PCMTD1: variants seen among roughly 807,000 people sequenced by gnomAD.
PCMTD1 encodes the protein protein-L-isoaspartate (D-aspartate) O-methyltransferase domain containing 1.
A neutral mutation model predicts 37.6 loss-of-function variants in PCMTD1; 12 were observed. The ratio of observed to expected loss-of-function variants is 0.32; its 90% CI spans 0.20 to 0.52. The LOEUF (loss-of-function observed/expected upper bound fraction) is 0.52, where lower values mean the gene tolerates loss of function less well. PCMTD1 is among the 20% of genes least tolerant of loss of function. PCMTD1 has a pLI of 0.97. For synonymous variants in PCMTD1, 117 were observed against 135.8 expected (o/e 0.86, Z 0.96); for missense variants, 235 against 421.3 (o/e 0.56, Z 3.87).
chr8:51,890,348 G>A (rs953497116), intron 1 of PCMTD1, among the ~76,000 whole-genome samples: 2 of 152,112 alleles, frequency 1.3e-5, no homozygotes, highest in African/African-American at 4.8e-5. Context: ...ACTAAAATTA[G>A]AGTGACTGCC....
intron 1 of PCMTD1, among the ~76,000 whole-genome samples, chr8:51,897,850 A>C (rs532532919): frequency 2.6e-5 from 4 of 152,206 alleles, no homozygotes; most frequent in Non-Finnish European, 5.9e-5. Context: ...AAATGGAGGA[A>C]TATCCATGAT....
At chr8:51,880,743 G>A (rs1430394698) in intron 1 of PCMTD1, among the ~76,000 whole-genome samples, 1 of 152,106 alleles carries the variant, frequency 6.6e-6, no homozygotes, top group Non-Finnish European at 1.5e-5. Flanking sequence ...CTACCCCAAG[G>A]ATCAGCAAAC....
chr8:51,817,952 T>A lies in PCMTD1; in HGVS notation c.*2399A>T, dbSNP rs1307703746. On this transcript the variant is annotated 3_prime_UTR_variant, in exon 6 of 6. Transcript: ENST00000522514. ...CTGCAAAATAAACACCCAAATTAGA[T>A]GATACTTACTGTTTTAACTAGCTAT... The A allele has an allele frequency of 2.2e-6, 1 of 456,664 alleles. No individual in the cohort carries two copies. Among genetic ancestry groups the A allele is most frequent in the African/African-American group, 2.0e-5 (1 of 50,106 alleles). 28.3% of individuals were successfully genotyped at this position (456,664 alleles called of 1,614,324 possible).
At chr8:51,834,605 ATTAT>A (rs2038041895) in intron 3 of PCMTD1, among the ~76,000 whole-genome samples, 1 of 27,834 alleles carries the variant, frequency 3.6e-5, no homozygotes, top group African/African-American at 4.0e-5. Flanking sequence ...AAAGCACACT[ATTAT>A]TTGAGGATGA....
At chr8:51,887,845 G>T (rs1473750346) in intron 1 of PCMTD1, among the ~76,000 whole-genome samples, 1 of 150,934 alleles carries the variant, frequency 6.6e-6, no homozygotes, top group Non-Finnish European at 1.5e-5. Flanking sequence ...GGGTTCAAGC[G>T]ATTCTCCTGC....
Position 51,861,093 on chromosome 8 carries a change from T to G in PCMTD1, c.59A>C (p.Glu20Ala), listed in dbSNP as rs1309378383. ...TCTTTCAGTACGAATATACTGAGCT[T>G]CTTTTAAATTATCAATTAAGTCATC... ...DNDDLIDNLK[E>A]AQYIRTERVE... Residue 20 changes from glutamate (E) to alanine (A), a missense_variant, in exon 2 of 6, where the codon GAA becomes GCA. Glu to Ala is a moderately radical substitution (Grantham distance 107, BLOSUM62 -1). Around this residue, in one of 3 missense-constraint regions of PCMTD1, gnomAD observed 183 missense variants for 349.3 expected, o/e 0.52. Coordinates refer to ENST00000522514, the MANE Select transcript of PCMTD1 (RefSeq NM_052937.4). The G allele has an allele frequency of 1.2e-6, 2 of 1,614,112 alleles. No homozygotes were observed. Among genetic ancestry groups the G allele is most frequent in the Non-Finnish European group, 8.5e-7 (1 of 1,179,984 alleles).
chr8:51,842,237 A>T (rs935729254), intron 3 of PCMTD1, among the ~76,000 whole-genome samples: 1 of 152,180 alleles, frequency 6.6e-6, no homozygotes, highest in Non-Finnish European at 1.5e-5. Flanking sequence ...TAAGACTAAG[A>T]CATACAAAGT....
intron 3 of PCMTD1, chr8:51,845,330 T>C (rs779903150): frequency 1.5e-4 from 33 of 219,010 alleles, no homozygotes; most frequent in Admixed American, 3.1e-4. Context: ...TAAATTACTA[T>C]CCAAAAGGTA....
intron 1 of PCMTD1, among the ~76,000 whole-genome samples, chr8:51,867,932 T>C (rs2038581920): frequency 6.6e-6 from 1 of 152,140 alleles, no homozygotes; most frequent in African/African-American, 2.4e-5. Context: ...CACAATGCAC[T>C]GTGTTATCTG....
chr8:51,882,971 C>CAA (rs71252917), intron 1 of PCMTD1, among the ~76,000 whole-genome samples: 169 of 137,584 alleles, frequency 1.2e-3, no homozygotes, highest in East Asian at 2.7e-3. Flanking sequence ...ACTAAAAATA[C>CAA]AAAAAAAAAA....
Position 51,856,432 on chromosome 8 carries a change from C to T in PCMTD1, c.307+4413G>A, listed in dbSNP as rs550551773. Among the ~76,000 whole-genome samples the T allele has an allele frequency of 3.9e-5, 6 of 152,284 alleles. No homozygotes were observed. In the South Asian group the frequency reaches 8.3e-4, roughly 21 times the overall value. ...GTGGGAATGGAAAATGGTGCAGCCACTCTGGAAAACACTTTGTTGGTCTCT... is the reference window on the plus strand; with the variant it reads ...GTGGGAATGGAAAATGGTGCAGCCATTCTGGAAAACACTTTGTTGGTCTCT... On this transcript the variant is annotated intron_variant, in intron 2 of 5. Coordinates refer to ENST00000522514, the MANE Select transcript of PCMTD1 (RefSeq NM_052937.4).
upstream of PCMTD1, chr8:51,899,046 G>T: frequency 6.6e-7 from 1 of 1,507,758 alleles, no homozygotes; most frequent in Non-Finnish European, 8.8e-7. Context: ...TGGAGAGGCG[G>T]GGCCCGGACC....
intron 3 of PCMTD1, among the ~76,000 whole-genome samples, chr8:51,841,604 T>C (rs920470063): frequency 2.0e-5 from 3 of 152,226 alleles, no homozygotes; most frequent in Non-Finnish European, 4.4e-5. Flanking sequence ...ATAATTCATT[T>C]TGAAAGTATT....
intron 1 of PCMTD1, among the ~76,000 whole-genome samples, chr8:51,898,717 C>T (rs572333771): frequency 1.3e-4 from 19 of 151,972 alleles, no homozygotes; most frequent in African/African-American, 4.6e-4. Flanking sequence ...CCCAAGTCCT[C>T]CGCCCCCGGC....
At chr8:51,841,145 C>A (rs1220600091) in intron 3 of PCMTD1, among the ~76,000 whole-genome samples, 1 of 152,136 alleles carries the variant, frequency 6.6e-6, no homozygotes, top group Non-Finnish European at 1.5e-5. Context: ...GCCTCTTTTT[C>A]TAACCCTCAG....
chr8:51,869,146 T>C (rs987356646), intron 1 of PCMTD1, among the ~76,000 whole-genome samples: 2 of 152,204 alleles, frequency 1.3e-5, no homozygotes, highest in Non-Finnish European at 2.9e-5. Flanking sequence ...GAGAAGCTCG[T>C]AAATCGACGT....
intron 1 of PCMTD1, among the ~76,000 whole-genome samples, chr8:51,895,185 AG>A (rs1291764686): frequency 2.6e-5 from 4 of 152,232 alleles, no homozygotes; most frequent in African/African-American, 9.6e-5. Flanking sequence ...TCTATACTTC[AG>A]GAAGTGAGAG....
chr8:51,887,429 G>T (rs1356012770), intron 1 of PCMTD1, among the ~76,000 whole-genome samples: 1 of 152,090 alleles, frequency 6.6e-6, no homozygotes, highest in East Asian at 1.9e-4. Context: ...AGGATCAGCA[G>T]AAGAAATATG....
At chr8:51,862,351 TACACATACACACACACACACACTC>T (rs2038484928) in intron 1 of PCMTD1, among the ~76,000 whole-genome samples, 1 of 141,380 alleles carries the variant, frequency 7.1e-6, no homozygotes, top group Non-Finnish European at 1.5e-5. Context: ...ACATGTTTTA[TACACATACACACACACACACACTC>T]ACACACACAT....
Sources: gnomAD v4.1 joint callset for allele counts (sites outside exome capture counted in the v4.1 genomes callset) on GRCh38, gnomAD v4.1.1 for gene constraint, gnomAD v4.1.1 regional missense constraint, MANE v1.5 for transcripts, NCBI Gene and HGNC (gene_info 2026-07-23, HGNC 2026-07-21) for gene names.